Variants in CNTN6 observed in about 807,000 individuals in gnomAD.
CNTN6 encodes the protein contactin 6.
Under a neutral mutation model 122.8 loss-of-function variants are expected in CNTN6, and 137 were observed. The ratio of observed to expected loss-of-function variants is 1.12; its 90% confidence interval spans 0.97 to 1.29. The LOEUF is 1.29. Among genes scored for constraint, CNTN6 ranks in the 50% most tolerant of loss-of-function variants. The pLI, the probability that CNTN6 is intolerant of heterozygous loss-of-function variation, is 0.00. For synonymous variants in CNTN6, 570 were observed against 426.0 expected, an observed-to-expected ratio of 1.34 and a Z score of -4.16; for missense variants, 1,634 against 1,223.4, an observed-to-expected ratio of 1.34 and a Z score of -5.01.
chr3:1,293,267 T>G (rs80189761), intron 5 of CNTN6, among the ~76,000 whole-genome samples: 15,395 of 152,090 alleles, frequency 0.1, 864 homozygotes, highest in African/African-American at 0.16. Context: ...CTTTTTTCCT[T>G]TATTTCTTCC....
At chr3:1,305,753 T>G (rs1033270870) in intron 7 of CNTN6, among the ~76,000 whole-genome samples, 2 of 152,204 alleles carry the variant, frequency 1.3e-5, no homozygotes, top group Non-Finnish European at 2.9e-5. Flanking sequence ...AACGTTCCTG[T>G]GTGTTCTGAA....
At chr3:1,392,210 C>A (rs377327515) in intron 20 of CNTN6, among the ~76,000 whole-genome samples, 2,738 of 151,500 alleles carry the variant, frequency 0.018, 3 homozygotes, top group Middle Eastern at 0.042. Flanking sequence ...AAACAGAGAT[C>A]TAGATCAATG....
At chr3:1,171,473 C>T (rs564189804) in intron 2 of CNTN6, among the ~76,000 whole-genome samples, 1 of 152,266 alleles carries the variant, frequency 6.6e-6, no homozygotes, top group East Asian at 1.9e-4. Flanking sequence ...CTGTGTGAGC[C>T]TGTAGATGTT....
intron 19 of CNTN6, 22 bp downstream of exon 19, chr3:1,383,430 T>C (rs747724665): frequency 1.9e-6 from 3 of 1,591,002 alleles, no homozygotes; most frequent in Non-Finnish European, 2.6e-6. Flanking sequence ...TAATTTCACT[T>C]TTGCTTATGA....
At chr3:1,108,789 G>A (rs2091344759) in intron 1 of CNTN6, among the ~76,000 whole-genome samples, 1 of 151,966 alleles carries the variant, frequency 6.6e-6, no homozygotes. Flanking sequence ...TTTAGAAAAA[G>A]TTTTGAAATA....
intron 19 of CNTN6, among the ~76,000 whole-genome samples, chr3:1,385,352 A>G (rs1016502718): frequency 2.6e-5 from 4 of 151,746 alleles, no homozygotes; most frequent in African/African-American, 9.8e-5. Flanking sequence ...TAGCTCATAA[A>G]ATACTTTATT....
chr3:1,132,373 C>A (rs1338919469), intron 1 of CNTN6, among the ~76,000 whole-genome samples: 4 of 152,010 alleles, frequency 2.6e-5, no homozygotes, highest in Non-Finnish European at 5.9e-5. Context: ...AAAGACACAC[C>A]TACTCTGGTG....
Position 1,319,599 on chromosome 3 carries a change from T to C in CNTN6, c.762-2051T>C, listed in dbSNP as rs891494375. 2.0e-5 allele frequency among the ~76,000 whole-genome samples: 3 copies of C among 151,634 alleles called. No individual in the cohort carries two copies. The Admixed American group carries it at 2.0e-4, about 10-fold the overall frequency. The stretch of plus-strand genomic sequence containing the variant: ...AGAGGGAAAAATACACAATTTTTAC[T>C]TATATTTTGTCTGAATGTTTTAGAT... On this transcript the variant is annotated intron_variant, in intron 7 of 22. Coordinates refer to ENST00000446702, the MANE Select transcript of CNTN6 (RefSeq NM_001289080.2).
At chr3:1,100,971 A>G (rs558860033) in intron 1 of CNTN6, among the ~76,000 whole-genome samples, 1 of 152,168 alleles carries the variant, frequency 6.6e-6, no homozygotes, top group South Asian at 2.1e-4. Flanking sequence ...TTTTTATGAC[A>G]AATTCACCTT....
chr3:1,108,882 G>A (rs1345092466), intron 1 of CNTN6, among the ~76,000 whole-genome samples: 7 of 151,978 alleles, frequency 4.6e-5, no homozygotes. Context: ...AGGACCTACT[G>A]TTGATTTGTC....
chr3:1,204,992 G>A (rs1453748988), intron 2 of CNTN6, among the ~76,000 whole-genome samples: 2 of 152,090 alleles, frequency 1.3e-5, no homozygotes, highest in Non-Finnish European at 2.9e-5. Context: ...CTAATAAAGA[G>A]ATTATTTTGG....
intron 2 of CNTN6, among the ~76,000 whole-genome samples, chr3:1,179,103 G>T (rs2093507180): frequency 6.6e-6 from 1 of 152,050 alleles, no homozygotes; most frequent in East Asian, 1.9e-4. Context: ...AGCATCACAT[G>T]GCAAAAGAGG....
intron 2 of CNTN6, among the ~76,000 whole-genome samples, chr3:1,152,563 T>G (rs759895395): frequency 1.3e-5 from 2 of 152,196 alleles, no homozygotes; most frequent in African/African-American, 2.4e-5. Context: ...CAAGATTAAC[T>G]GATGTGATTA....
intron 7 of CNTN6, among the ~76,000 whole-genome samples, chr3:1,317,424 G>A (rs1266632691): frequency 6.6e-6 from 1 of 151,500 alleles, no homozygotes; most frequent in African/African-American, 2.4e-5. Context: ...ACTCAAAATG[G>A]GCTTAAGAAA....
Position 1,369,987 on chromosome 3 carries a change from T to C in CNTN6, c.1493-2312T>C, listed in dbSNP as rs534688528. 2.4e-3 allele frequency among the ~76,000 whole-genome samples: 372 copies of C among 152,198 alleles called. 2 individuals carry two copies. Among genetic ancestry groups the C allele is most frequent in the Non-Finnish European group, 3.5e-3 (241 of 68,000 alleles). ...ATACAAGCTTTTTAAATTCAAAGTC[T>C]AAAGTATATAAAGTAATAATGATTC... On this transcript the variant is annotated intron_variant, in intron 12 of 22. Coordinates refer to ENST00000446702, the MANE Select transcript of CNTN6 (RefSeq NM_001289080.2).
At position 1,200,048 on chromosome 3, in the gene CNTN6, T is replaced by G. The variant is rs59432526; in HGVS notation, c.56-20639T>G. ...GTTTTTAGACATATATATATGTCTT[T>G]TTTTTAGACATATATATATATTTTT... On this transcript the variant is annotated intron_variant, in intron 2 of 22. Coordinates refer to ENST00000446702, the MANE Select transcript of CNTN6 (RefSeq NM_001289080.2). Among the ~76,000 whole-genome samples, 302 of 152,252 alleles carry G rather than the reference T, an allele frequency of 2.0e-3. 3 individuals are homozygous for G. Among genetic ancestry groups the G allele is most frequent in the African/African-American group, 6.9e-3 (286 of 41,548 alleles).
At chr3:1,276,183 C>A (rs1692321685) in intron 4 of CNTN6, among the ~76,000 whole-genome samples, 7 of 152,074 alleles carry the variant, frequency 4.6e-5, no homozygotes, top group Admixed American at 4.6e-4. Context: ...CTAAGATAAC[C>A]AATGTGTATT....
chr3:1,402,737 A>G (rs1240916243), intron 22 of CNTN6: 4 of 364,894 alleles, frequency 1.1e-5, no homozygotes, highest in African/African-American at 4.2e-5. Context: ...GTGTCATTAG[A>G]GCATAATTGT....
intron 3 of CNTN6, among the ~76,000 whole-genome samples, chr3:1,225,180 A>G (rs1332363161): frequency 6.6e-6 from 1 of 152,238 alleles, no homozygotes; most frequent in Non-Finnish European, 1.5e-5. Context: ...GCTAAAAGCA[A>G]TCATTTAAAA....
Sources: gnomAD v4.1 joint callset for allele counts (sites outside exome capture counted in the v4.1 genomes callset) on GRCh38, gnomAD v4.1.1 for gene constraint, MANE v1.5 for transcripts, NCBI Gene and HGNC (gene_info 2026-07-23, HGNC 2026-07-21) for gene names.